KCNT2: variants seen among roughly 807,000 people sequenced by gnomAD.
The protein encoded by KCNT2 is potassium channel subfamily T member 2.
KCNT2 carries 67 observed loss-of-function variants against 153.8 expected under a neutral mutation model. That is an observed-to-expected ratio of 0.44 (90% confidence interval 0.36 to 0.53). The LOEUF (loss-of-function observed/expected upper bound fraction) is 0.53. Among genes scored for constraint, KCNT2 ranks in the 20% least tolerant of loss-of-function variants. The pLI is 0.00. For synonymous variants in KCNT2, 500 were observed against 458.8 expected, an observed-to-expected ratio of 1.09 and a Z score of -1.15; for missense variants, 975 against 1,354.8, an observed-to-expected ratio of 0.72 and a Z score of 4.40.
At chr1:196,541,139 G>GAC (rs1182077773) in intron 1 of KCNT2, among the ~76,000 whole-genome samples, 1 of 5,658 alleles carries the variant, frequency 1.8e-4, no homozygotes, top group Non-Finnish European at 4.0e-3. Context: ...ACTGTACTGA[G>GAC]ATAAAAAAAG....
chr1:196,539,070 C>A (rs1316333009), intron 1 of KCNT2, among the ~76,000 whole-genome samples: 3 of 151,864 alleles, frequency 2.0e-5, no homozygotes, highest in African/African-American at 7.3e-5. Flanking sequence ...TTATTAAATA[C>A]CTTCTCGAAG....
intron 19 of KCNT2, among the ~76,000 whole-genome samples, chr1:196,323,581 G>A (rs1218711393): frequency 1.3e-5 from 2 of 151,808 alleles, no homozygotes; most frequent in Non-Finnish European, 2.9e-5. Context: ...TACCATTTAA[G>A]ATCTAGAAAG....
intron 1 of KCNT2, among the ~76,000 whole-genome samples, chr1:196,600,103 T>C (rs565765057): frequency 1.3e-5 from 2 of 152,324 alleles, no homozygotes; most frequent in South Asian, 4.1e-4. Flanking sequence ...TGTACCTAGT[T>C]ATTAAGGAGT....
intron 20 of KCNT2, among the ~76,000 whole-genome samples, chr1:196,317,553 A>G (rs751417541): frequency 4.6e-5 from 7 of 151,760 alleles, no homozygotes; most frequent in Non-Finnish European, 7.4e-5. Flanking sequence ...TCACTTTCTC[A>G]TATTTCAGCT....
At chr1:196,314,729 CAGCT>C (rs1186463749) in intron 21 of KCNT2, among the ~76,000 whole-genome samples, 2 of 151,782 alleles carry the variant, frequency 1.3e-5, no homozygotes, top group East Asian at 3.9e-4. Context: ...TAGTGACTGT[CAGCT>C]GGAGCCTCTA....
chr1:196,460,002 C>T (rs572534067), intron 8 of KCNT2, among the ~76,000 whole-genome samples: 8 of 151,770 alleles, frequency 5.3e-5, no homozygotes, highest in African/African-American at 1.7e-4. Flanking sequence ...CTCTGTGCAT[C>T]GGGCAGCAAG....
intron 11 of KCNT2, among the ~76,000 whole-genome samples, chr1:196,424,914 GAC>G (rs1673521935): frequency 6.6e-6 from 1 of 150,470 alleles, no homozygotes; most frequent in South Asian, 2.1e-4. Context: ...ACACAGTGAA[GAC>G]AGGCACAAAT....
intron 1 of KCNT2, among the ~76,000 whole-genome samples, chr1:196,497,650 C>T (rs1354730462): frequency 6.6e-6 from 1 of 151,984 alleles, no homozygotes. Flanking sequence ...AATATTTACA[C>T]TTTACTAAAA....
intron 1 of KCNT2, among the ~76,000 whole-genome samples, chr1:196,558,830 T>C (rs1421335300): frequency 1.3e-5 from 2 of 151,584 alleles, no homozygotes; most frequent in African/African-American, 4.8e-5. Context: ...TGTGAGCTTT[T>C]GAATTTTTAT....
At position 196,226,365 on chromosome 1, in the gene KCNT2, C is replaced by A. The variant is rs1347332561; in HGVS notation, c.*1859G>T. 6.6e-6 allele frequency: 1 copy of A among 151,904 alleles called. No individual in the cohort carries two copies. The highest frequency in any genetic ancestry group is 1.5e-5 in the Non-Finnish European group (1 of 67,856). The allele number at this position is 151,904 out of a possible 1,614,324, so 9.4% of individuals were successfully genotyped here. Reference sequence around the variant, plus strand: ...TGTTACATATATTAGTTCCATTCTGCCTTCAGTTTTTAACAATTTATATGT... The same window carrying A: ...TGTTACATATATTAGTTCCATTCTGACTTCAGTTTTTAACAATTTATATGT... On this transcript the variant is annotated 3_prime_UTR_variant, in exon 28 of 28. Transcript: ENST00000294725.
chr1:196,333,749 C>T, intron 17 of KCNT2, 98 bp downstream of exon 17: 2 of 713,900 alleles, frequency 2.8e-6, no homozygotes, highest in East Asian at 5.4e-5. Flanking sequence ...AAGGAAAGAT[C>T]ATTAGCTCCT....
At chr1:196,273,452 A>G in intron 25 of KCNT2, 6 of 1,521,312 alleles carry the variant, frequency 3.9e-6, no homozygotes, top group Non-Finnish European at 5.3e-6. Context: ...AAGGGAAACA[A>G]ACAGAAAATA....
chr1:196,361,243 T>G (rs1213843317), intron 14 of KCNT2, among the ~76,000 whole-genome samples: 1 of 151,788 alleles, frequency 6.6e-6, no homozygotes. Flanking sequence ...CTACACTCCC[T>G]GCCCACACAA....
intron 26 of KCNT2, among the ~76,000 whole-genome samples, chr1:196,242,755 C>G (rs1412952191): frequency 6.6e-6 from 1 of 152,074 alleles, no homozygotes; most frequent in Non-Finnish European, 1.5e-5. Flanking sequence ...TAGCAATTTT[C>G]TTAGAATAGC....
intron 12 of KCNT2, among the ~76,000 whole-genome samples, chr1:196,405,017 A>G (rs1246008910): frequency 6.6e-6 from 1 of 151,576 alleles, no homozygotes; most frequent in Non-Finnish European, 1.5e-5. Context: ...ACAAAACAGA[A>G]CAAACATCAG....
chr1:196,598,585 C>T (rs76103601), intron 1 of KCNT2, among the ~76,000 whole-genome samples: 2,204 of 152,260 alleles, frequency 0.014, 57 homozygotes, highest in African/African-American at 0.05. Context: ...TTTCTGACTT[C>T]AAAAGCCTTT....
intron 23 of KCNT2, among the ~76,000 whole-genome samples, chr1:196,283,220 G>A (rs546412870): frequency 6.6e-6 from 1 of 152,124 alleles, no homozygotes; most frequent in Non-Finnish European, 1.5e-5. Context: ...CAGCACTCCT[G>A]GGAGGTCCCA....
intron 1 of KCNT2, among the ~76,000 whole-genome samples, chr1:196,506,274 G>A (rs1259968661): frequency 6.6e-6 from 1 of 152,024 alleles, no homozygotes; most frequent in South Asian, 2.1e-4. Context: ...TAAAAACATA[G>A]CATATATGTA....
intron 16 of KCNT2, among the ~76,000 whole-genome samples, chr1:196,334,442 A>ATGTGTTTC (rs1664790186): frequency 9.7e-6 from 1 of 102,874 alleles, no homozygotes; most frequent in Non-Finnish European, 2.1e-5. Context: ...ATTTTTCATT[A>ATGTGTTTC]TGTGTTTCCC....
Sources: allele counts gnomAD v4.1 joint callset (sites outside exome capture counted in the v4.1 genomes callset), GRCh38; gene constraint gnomAD v4.1.1; transcripts MANE v1.5; gene names NCBI Gene and HGNC (gene_info 2026-07-23, HGNC 2026-07-21).